The following PREX1 variants were observed in gnomAD, a reference collection of about 807,000 sequenced individuals.
PREX1 encodes the protein phosphatidylinositol-3,4,5-trisphosphate dependent Rac exchange factor 1, also known as phosphatidylinositol 3,4,5-trisphosphate-dependent Rac exchanger 1 protein.
In PREX1, 41 loss-of-function variants were observed where a neutral mutation model predicts 198.3. The observed-to-expected ratio is 0.21, with a 90% confidence interval of 0.16 to 0.27. The LOEUF (loss-of-function observed/expected upper bound fraction) is 0.27. Among genes scored for constraint, PREX1 ranks in the 10% least tolerant of loss-of-function variants. The pLI, the probability that PREX1 is intolerant of heterozygous loss-of-function variation, is 1.00. For synonymous variants in PREX1, 843 were observed against 887.2 expected (o/e 0.95, Z 0.89); for missense variants, 1,620 against 2,200.7 (o/e 0.74, Z 5.28).
chr20:48,627,209 G>A (rs920317835), intron 39 of PREX1, among the ~76,000 whole-genome samples: 69 of 151,850 alleles, frequency 4.5e-4, no homozygotes, highest in African/African-American at 6.5e-4. Context: ...TAGGGGGCAC[G>A]GGGTGGGGGG....
chr20:48,656,806 G>A (rs1318237896), intron 18 of PREX1, among the ~76,000 whole-genome samples: 1 of 152,120 alleles, frequency 6.6e-6, no homozygotes. Flanking sequence ...TCTATGAATG[G>A]CAGGAACCGC....
chr20:48,733,529 C>T (rs1043955837), intron 4 of PREX1, among the ~76,000 whole-genome samples: 22 of 152,188 alleles, frequency 1.4e-4, no homozygotes, highest in African/African-American at 4.6e-4. Flanking sequence ...TGCTGGAGGC[C>T]ACCCTGTTAC....
At chr20:48,630,633 G>C in intron 36 of PREX1, 95 bp downstream of exon 36, 1 of 1,141,690 alleles carries the variant, frequency 8.8e-7, no homozygotes, top group Middle Eastern at 2.0e-4. Context: ...GCTAGAATCT[G>C]CTGGGGCACA....
Position 48,636,448 on chromosome 20 carries a change from GCC to G in PREX1, c.4167+13_4167+14del. On this transcript the variant is annotated intron_variant, in intron 32 of 39. Transcript: ENST00000371941. ...GGTGGGCCAGCGGGGCCGCCCTCCC[GCC>G]CCACTCACTCACCACTGTGGCTGGC... is the stretch of plus-strand genomic sequence containing the variant. The G allele has an allele frequency of 6.3e-7, 1 of 1,591,438 alleles. No individual in the cohort carries two copies. Among genetic ancestry groups the G allele is most frequent in the Non-Finnish European group, 8.5e-7 (1 of 1,171,352 alleles).
chr20:48,643,412 T>C (rs1264920499), intron 27 of PREX1, among the ~76,000 whole-genome samples: 1 of 151,752 alleles, frequency 6.6e-6, no homozygotes, highest in Non-Finnish European at 1.5e-5. Flanking sequence ...GAGGTTGCAG[T>C]GAGCTGAGAT....
chr20:48,653,324 G>A, intron 20 of PREX1, 37 bp downstream of exon 20: 1 of 1,603,702 alleles, frequency 6.2e-7, no homozygotes, highest in South Asian at 1.1e-5. Flanking sequence ...CCACTCAGCA[G>A]GACTTCTTTG....
intron 13 of PREX1, among the ~76,000 whole-genome samples, chr20:48,677,483 T>C (rs1391913433): frequency 6.6e-6 from 1 of 152,210 alleles, no homozygotes; most frequent in Non-Finnish European, 1.5e-5. Flanking sequence ...ATCTCTGGCG[T>C]TCATTATACA....
the PREX1 span, among the ~76,000 whole-genome samples, chr20:48,886,563 G>A: frequency 6.6e-6 from 1 of 152,212 alleles, no homozygotes; most frequent in Non-Finnish European, 1.5e-5. Flanking sequence ...CAGGCCTCAT[G>A]GTGGTGTTTT....
intron 11 of PREX1, 100 bp from the exon 12 acceptor site, chr20:48,679,854 G>A: frequency 5.7e-6 from 5 of 884,796 alleles, no homozygotes; most frequent in Non-Finnish European, 9.2e-6. Context: ...CGCCCCCTCT[G>A]CCCCTCCCAG....
rs1422478944 is a variant in PREX1, at chr20:48,808,774, TGGCCATTCC to T, written c.219+18859_219+18867del. ...ACTTGACCTCCCATTGCTCTGCCCC[TGGCCATTCC>T]GGCCTCCGTGTGGATCCTAAAACAG... On this transcript the variant is annotated intron_variant, in intron 1 of 39. Coordinates refer to ENST00000371941, the MANE Select transcript of PREX1 (RefSeq NM_020820.4). Among the ~76,000 whole-genome samples the T allele has an allele frequency of 2.2e-4, 33 of 152,344 alleles. No individual in the cohort carries two copies. In the Middle Eastern group the frequency reaches 0.014, roughly 63 times the overall value.
chr20:48,652,317 G>A (rs1465422087), intron 21 of PREX1, among the ~76,000 whole-genome samples: 9 of 151,994 alleles, frequency 5.9e-5, no homozygotes, highest in African/African-American at 1.7e-4. Flanking sequence ...GGTGGTACAC[G>A]CTTGTGATCC....
intron 3 of PREX1, among the ~76,000 whole-genome samples, chr20:48,737,215 CAAAAAAAAAAAAAAAAA>C (rs140010281): frequency 2.0e-4 from 7 of 35,264 alleles, no homozygotes; most frequent in African/African-American, 3.8e-4. Flanking sequence ...GTTTTGACAG[CAAAAAAAAAAAAAAAAA>C]AAAAAAAAAA....
At chr20:48,815,702 A>C (rs2090455751) in intron 1 of PREX1, among the ~76,000 whole-genome samples, 3 of 152,114 alleles carry the variant, frequency 2.0e-5, no homozygotes. Context: ...TTGGCAAATC[A>C]TTTCAAGAGA....
At chr20:48,721,402 G>A (rs2089984604) in intron 5 of PREX1, among the ~76,000 whole-genome samples, 1 of 152,244 alleles carries the variant, frequency 6.6e-6, no homozygotes, top group South Asian at 2.1e-4. Context: ...CCTTGGGCAG[G>A]AGGCACTGGA....
chr20:48,675,134 G>C (rs1056012045), intron 14 of PREX1, among the ~76,000 whole-genome samples: 1 of 152,238 alleles, frequency 6.6e-6, no homozygotes, highest in Non-Finnish European at 1.5e-5. Context: ...CAACAGTATT[G>C]AGAGGTATGG....
At chr20:48,652,548 C>G (rs765191622) in intron 21 of PREX1, 38 bp downstream of exon 21, 1 of 1,569,410 alleles carries the variant, frequency 6.4e-7, no homozygotes, top group Non-Finnish European at 8.7e-7. Context: ...GTCTCAGTCC[C>G]TCTGGAAGCT....
intron 6 of PREX1, among the ~76,000 whole-genome samples, chr20:48,704,596 T>C (rs2089893595): frequency 1.3e-5 from 2 of 151,750 alleles, no homozygotes; most frequent in South Asian, 4.2e-4. Flanking sequence ...TCTAGCTCTG[T>C]CGACCAGGCT....
intron 11 of PREX1, 37 bp downstream of exon 11, chr20:48,681,188 GACCTGTTCCC>G: frequency 6.6e-7 from 1 of 1,522,918 alleles, no homozygotes; most frequent in Non-Finnish European, 9.1e-7. Context: ...GTTGGGGTCT[GACCTGTTCCC>G]ACCCCTTGGC....
the PREX1 span, among the ~76,000 whole-genome samples, chr20:48,870,500 G>C: frequency 6.6e-6 from 1 of 152,182 alleles, no homozygotes; most frequent in Non-Finnish European, 1.5e-5. Context: ...AGAAACTGTG[G>C]CTTCTGCAAA....
Sources: allele counts gnomAD v4.1 joint callset (sites outside exome capture counted in the v4.1 genomes callset), GRCh38; gene constraint gnomAD v4.1.1; transcripts MANE v1.5; gene names NCBI Gene and HGNC (gene_info 2026-07-23, HGNC 2026-07-21).